The following CSMD1 variants were observed in gnomAD, a reference collection of about 807,000 sequenced individuals.
CSMD1 encodes the protein CUB and sushi domain-containing protein 1.
In CSMD1, 213 loss-of-function variants were observed where a neutral mutation model predicts 417.5. The ratio of observed to expected loss-of-function variants is 0.51; its 90% CI spans 0.46 to 0.57. The LOEUF (loss-of-function observed/expected upper bound fraction) is 0.57. CSMD1 is among the 20% of genes least tolerant of loss of function. CSMD1 has a pLI of 0.00. For missense variants in CSMD1, 6,923 were observed against 4,529.7 expected (o/e 1.53, Z -15.17); for synonymous variants, 2,862 against 1,736.8 (o/e 1.65, Z -16.11).
chr8:3,189,934 G>A lies in CSMD1; in HGVS notation c.5376C>T (p.Asn1792=), dbSNP rs769926696. The A allele has an allele frequency of 3.1e-6, 5 of 1,587,748 alleles. No individual in the cohort carries two copies. The highest frequency in any genetic ancestry group is 2.3e-5 in the East Asian group (1 of 43,566). ...QSVPNALAQW[N]DTIPSCVVPC... is the part of the protein sequence containing the mutation. ...CACCCACACAGCTGGGGATCGTGTCGTTCCACTGTGCCAAGGCGTTGGGCA... is the reference window on the plus strand; with the variant it reads ...CACCCACACAGCTGGGGATCGTGTCATTCCACTGTGCCAAGGCGTTGGGCA... The change falls in exon 34 of 70, where the codon AAC becomes AAT. Residue 1792 remains asparagine (N), a synonymous_variant. Transcript: ENST00000635120.
At chr8:4,704,585 C>A (rs1412420001) in intron 1 of CSMD1, among the ~76,000 whole-genome samples, 1 of 152,202 alleles carries the variant, frequency 6.6e-6, no homozygotes, top group Non-Finnish European at 1.5e-5. Flanking sequence ...CCAAACATAA[C>A]CACATCGATC....
intron 3 of CSMD1, among the ~76,000 whole-genome samples, chr8:4,371,147 G>T (rs1309982477): frequency 2.0e-5 from 3 of 152,104 alleles, no homozygotes; most frequent in East Asian, 3.9e-4. Context: ...AGAACAAGTT[G>T]GGTATAGCTG....
At chr8:4,482,515 C>T (rs1658822) in intron 2 of CSMD1, among the ~76,000 whole-genome samples, 131,635 of 152,232 alleles carry the variant, frequency 0.86, 57,118 homozygotes, top group Middle Eastern at 0.95. Context: ...TTTAGGTTGA[C>T]TCCATGTCTT....
intron 2 of CSMD1, among the ~76,000 whole-genome samples, chr8:4,524,046 A>G (rs1250416737): frequency 6.6e-6 from 1 of 151,986 alleles, no homozygotes; most frequent in Non-Finnish European, 1.5e-5. Context: ...GATGTGGTAA[A>G]TCCTCCCTGT....
intron 1 of CSMD1, among the ~76,000 whole-genome samples, chr8:4,777,679 C>T (rs1045123934): frequency 5.9e-5 from 9 of 152,042 alleles, no homozygotes; most frequent in East Asian, 1.9e-4. Flanking sequence ...GCAGTTTTGC[C>T]GTTAAAAACA....
At chr8:3,918,133 G>A (rs1029599332) in intron 5 of CSMD1, among the ~76,000 whole-genome samples, 2 of 151,948 alleles carry the variant, frequency 1.3e-5, no homozygotes, top group East Asian at 1.9e-4. Flanking sequence ...CCTGGCAATT[G>A]CTAATACTGC....
intron 3 of CSMD1, among the ~76,000 whole-genome samples, chr8:4,151,065 G>C (rs892593242): frequency 6.6e-6 from 1 of 152,164 alleles, no homozygotes; most frequent in Admixed American, 6.5e-5. Context: ...CTACAGCTAA[G>C]TTTACGGGTG....
At chr8:3,790,400 G>T (rs990239471) in intron 5 of CSMD1, among the ~76,000 whole-genome samples, 16 of 152,150 alleles carry the variant, frequency 1.1e-4, no homozygotes, top group African/African-American at 3.9e-4. Flanking sequence ...ATGTTTGACA[G>T]TTATAATGAC....
At position 3,089,866 on chromosome 8, in the gene CSMD1, G is replaced by C. The variant is rs115435767; in HGVS notation, c.7285+1650C>G. ...ACAACAAATAAAATACCTTTTGAAA[G>C]ACGTAGAAATCATTGTTCTCACAAT... On this transcript the variant is annotated intron_variant, in intron 48 of 69. Coordinates refer to ENST00000635120, the MANE Select transcript of CSMD1 (RefSeq NM_033225.6). 3.8e-3 allele frequency among the ~76,000 whole-genome samples: 573 copies of C among 152,192 alleles called. 1 individual carries two copies. Among genetic ancestry groups the C allele is most frequent in the African/African-American group, 0.012 (515 of 41,528 alleles).
At chr8:3,914,470 T>A (rs1278059619) in intron 5 of CSMD1, among the ~76,000 whole-genome samples, 1 of 152,330 alleles carries the variant, frequency 6.6e-6, no homozygotes, top group East Asian at 1.9e-4. Flanking sequence ...TATTATATCA[T>A]GTTTTGAGTA....
At chr8:3,873,775 C>A (rs1264847246) in intron 5 of CSMD1, among the ~76,000 whole-genome samples, 1 of 152,112 alleles carries the variant, frequency 6.6e-6, no homozygotes, top group Non-Finnish European at 1.5e-5. Context: ...TGGCCTGAAC[C>A]AACGTAGCCC....
At chr8:4,984,520 A>C (rs904211962) in intron 1 of CSMD1, among the ~76,000 whole-genome samples, 32 of 152,280 alleles carry the variant, frequency 2.1e-4, no homozygotes, top group African/African-American at 7.5e-4. Context: ...CTAATGAAAA[A>C]CACAAAGTTT....
At position 3,222,900 on chromosome 8, in the gene CSMD1, T is replaced by C. The variant is rs138902634; in HGVS notation, c.4484+829A>G. Among the ~76,000 whole-genome samples the C allele has an allele frequency of 5.9e-4, 90 of 152,292 alleles. 1 individual carries two copies. Among genetic ancestry groups the C allele is most frequent in the African/African-American group, 2.1e-3 (88 of 41,560 alleles). On this transcript the variant is annotated intron_variant, in intron 28 of 69. Coordinates refer to ENST00000635120, the MANE Select transcript of CSMD1 (RefSeq NM_033225.6). ...GAGAAAGTGAGGGTATGTAAACACA[T>C]TCAGGCCTTGAATACTGACATAAAG...
chr8:4,875,170 A>T (rs1216252247), intron 1 of CSMD1, among the ~76,000 whole-genome samples: 1 of 151,940 alleles, frequency 6.6e-6, no homozygotes, highest in East Asian at 1.9e-4. Context: ...AAATCTTGAA[A>T]GATTCGTGTC....
intron 3 of CSMD1, among the ~76,000 whole-genome samples, chr8:4,251,042 T>C (rs187134223): frequency 2.3e-4 from 35 of 152,362 alleles, no homozygotes; most frequent in African/African-American, 6.5e-4. Context: ...TGGACACAAA[T>C]TCAAGCCAGT....
chr8:4,325,310 G>C (rs753541924), intron 3 of CSMD1, among the ~76,000 whole-genome samples: 2 of 152,104 alleles, frequency 1.3e-5, no homozygotes, highest in Non-Finnish European at 2.9e-5. Context: ...TGGCAACCTA[G>C]CAAGAAACCA....
chr8:3,592,868 G>A lies in CSMD1; in HGVS notation c.1098-6608C>T, dbSNP rs1030375147. On this transcript the variant is annotated intron_variant, in intron 8 of 69. Coordinates refer to ENST00000635120, the MANE Select transcript of CSMD1 (RefSeq NM_033225.6). ...AGGTGTAAAGGAGATGTGATGGTAG[G>A]TTCTCCCACTTCCTGCTTCTCCACT... Among the ~76,000 whole-genome samples the A allele has an allele frequency of 3.9e-5, 6 of 152,004 alleles. 1 individual carries two copies. The highest frequency in any genetic ancestry group is 4.3e-4 in the South Asian group (2 of 4,672).
chr8:4,417,558 T>C (rs1471098658), intron 3 of CSMD1, among the ~76,000 whole-genome samples: 1 of 152,086 alleles, frequency 6.6e-6, no homozygotes, highest in Admixed American at 6.6e-5. Context: ...AAGTTCATTT[T>C]ATATCTAAAT....
chr8:4,048,313 AG>A (rs1798253948), intron 3 of CSMD1, among the ~76,000 whole-genome samples: 1 of 152,208 alleles, frequency 6.6e-6, no homozygotes, highest in African/African-American at 2.4e-5. Context: ...TTACACAAAG[AG>A]GGGAGTCTTT....
Sources: allele counts gnomAD v4.1 joint callset (sites outside exome capture counted in the v4.1 genomes callset), GRCh38; gene constraint gnomAD v4.1.1; transcripts MANE v1.5; gene names NCBI Gene and HGNC (gene_info 2026-07-23, HGNC 2026-07-21).